Variants in LEPR observed in about 807,000 individuals in gnomAD.
LEPR encodes the protein leptin receptor.
A neutral mutation model predicts 114.7 loss-of-function variants in LEPR; 56 were observed. The observed-to-expected ratio is 0.49, with a 90% CI of 0.39 to 0.61. LEPR has a LOEUF of 0.61. Among genes scored for constraint, LEPR ranks in the 20% least tolerant of loss-of-function variants. The probability of loss-of-function intolerance (pLI) is 0.00; values close to 1 mark genes in which losing one functional copy is unlikely to be tolerated. For missense variants in LEPR, 1,202 were observed against 1,352.9 expected, an observed-to-expected ratio of 0.89 and a Z score of 1.75; for synonymous variants, 443 against 461.4, an observed-to-expected ratio of 0.96 and a Z score of 0.51.
intron 2 of LEPR, among the ~76,000 whole-genome samples, chr1:65,454,694 T>G (rs566746744): frequency 6.1e-4 from 93 of 152,328 alleles, no homozygotes; most frequent in African/African-American, 2.2e-3. Flanking sequence ...AACCCAACCT[T>G]TCTCTCTGGC....
intron 19 of LEPR, chr1:65,626,368 A>G (rs1281443282): frequency 8.3e-7 from 1 of 1,203,354 alleles, no homozygotes; most frequent in East Asian, 3.1e-5. Flanking sequence ...TATTTGTAGG[A>G]CTGATTTTTT....
chr1:65,587,442 T>C (rs1655383594), intron 5 of LEPR, among the ~76,000 whole-genome samples: 1 of 152,112 alleles, frequency 6.6e-6, no homozygotes, highest in Non-Finnish European at 1.5e-5. Context: ...CAATATTTTA[T>C]GGGTGGATAG....
chr1:65,496,745 A>C (rs1648180350), intron 2 of LEPR, among the ~76,000 whole-genome samples: 1 of 152,112 alleles, frequency 6.6e-6, no homozygotes, highest in Non-Finnish European at 1.5e-5. Flanking sequence ...CTGCTTAAAT[A>C]CTTCCAGTGA....
chr1:65,479,944 A>G (rs544667058), intron 2 of LEPR, among the ~76,000 whole-genome samples: 19 of 151,794 alleles, frequency 1.3e-4, no homozygotes, highest in Non-Finnish European at 2.5e-4. Flanking sequence ...AAACAAACAA[A>G]AAAACAACTC....
At chr1:65,539,818 A>C (rs920018628) in intron 2 of LEPR, among the ~76,000 whole-genome samples, 2 of 152,176 alleles carry the variant, frequency 1.3e-5, no homozygotes, top group Admixed American at 1.3e-4. Context: ...CCCGGAGCTC[A>C]GAGGTAGTAG....
rs1328136958 is a variant in LEPR at position 65,639,199 on chromosome 1, G to A, written c.*2184G>A. ...TCCCAGGACCACTGTAGTGCTGTAG[G>A]TCTGTGTAAAGAAATGTAGTGACAG... On this transcript the variant is annotated 3_prime_UTR_variant, in exon 20 of 20. Coordinates refer to ENST00000349533, the MANE Select transcript of LEPR (RefSeq NM_002303.6). The A allele has an allele frequency of 1.3e-5, 2 of 152,196 alleles. No homozygotes were observed. Among genetic ancestry groups the A allele is most frequent in the African/African-American group, 4.8e-5 (2 of 41,448 alleles). 9.4% of individuals were successfully genotyped at this position (152,196 alleles called of 1,614,324 possible).
chr1:65,629,378 T>C, intron 19 of LEPR: 1 of 443,674 alleles, frequency 2.3e-6, no homozygotes, highest in Non-Finnish European at 4.5e-6. Context: ...TGTGGTTTAT[T>C]TTTAAAAATA....
intron 2 of LEPR, among the ~76,000 whole-genome samples, chr1:65,436,231 G>A (rs1374227694): frequency 1.3e-5 from 2 of 152,166 alleles, no homozygotes. Context: ...TTCTGTGGCT[G>A]ACACTCCCCA....
intron 2 of LEPR, among the ~76,000 whole-genome samples, chr1:65,558,526 GTTTTT>G (rs1187502644): frequency 2.6e-4 from 2 of 7,748 alleles, no homozygotes; most frequent in Admixed American, 1.5e-3. Flanking sequence ...TGAATCAGAA[GTTTTT>G]TTTTTTGTTT....
chr1:65,454,615 C>A (rs1485487895), intron 2 of LEPR, among the ~76,000 whole-genome samples: 2 of 152,192 alleles, frequency 1.3e-5, no homozygotes, highest in African/African-American at 2.4e-5. Flanking sequence ...TTGGCCCCCA[C>A]TCTCTTCTGG....
chr1:65,426,289 A>G (rs989452712), intron 2 of LEPR, among the ~76,000 whole-genome samples: 2 of 152,204 alleles, frequency 1.3e-5, no homozygotes, highest in African/African-American at 4.8e-5. Flanking sequence ...ATTATGGTAC[A>G]GCATAAATTG....
At chr1:65,480,465 C>T (rs1252013178) in intron 2 of LEPR, among the ~76,000 whole-genome samples, 1 of 152,086 alleles carries the variant, frequency 6.6e-6, no homozygotes, top group East Asian at 1.9e-4. Context: ...ACAAAACACT[C>T]CCTATCTCTG....
intron 2 of LEPR, among the ~76,000 whole-genome samples, chr1:65,539,106 T>A (rs1650992118): frequency 9.3e-6 from 1 of 108,020 alleles, no homozygotes; most frequent in East Asian, 2.0e-4. Context: ...ATTATGCATT[T>A]TTTTTAAAAC....
chr1:65,606,868 G>A (rs374033720), intron 11 of LEPR, among the ~76,000 whole-genome samples: 1 of 152,104 alleles, frequency 6.6e-6, no homozygotes, highest in Non-Finnish European at 1.5e-5. Flanking sequence ...GACGGAAAAA[G>A]TTTAGGTATT....
chr1:65,599,237 A>G (rs1048896298), intron 8 of LEPR, among the ~76,000 whole-genome samples: 7 of 152,128 alleles, frequency 4.6e-5, no homozygotes, highest in Admixed American at 2.0e-4. Context: ...CAATGTTCAT[A>G]TTTTAAAGGT....
At chr1:65,577,112 A>G (rs994055889) in intron 5 of LEPR, 4 of 176,960 alleles carry the variant, frequency 2.3e-5, no homozygotes, top group Non-Finnish European at 4.8e-5. Flanking sequence ...TGTTGGCACT[A>G]ATGATATCAA....
intron 2 of LEPR, among the ~76,000 whole-genome samples, chr1:65,520,677 T>TCA (rs35134611): frequency 0.38 from 57,243 of 151,970 alleles, 13,193 homozygotes; most frequent in African/African-American, 0.64. Flanking sequence ...ATCAGGGGTC[T>TCA]CAGCCTTCAG....
chr1:65,437,599 C>T (rs900182176), intron 2 of LEPR, among the ~76,000 whole-genome samples: 7 of 151,688 alleles, frequency 4.6e-5, no homozygotes, highest in African/African-American at 1.7e-4. Context: ...GAGCCGAGAT[C>T]GCGCCACTGC....
At chr1:65,485,178 T>C (rs1299006999) in intron 2 of LEPR, among the ~76,000 whole-genome samples, 1 of 152,158 alleles carries the variant, frequency 6.6e-6, no homozygotes, top group Non-Finnish European at 1.5e-5. Flanking sequence ...AGTCTCAATC[T>C]TTTCATCCAT....
Sources: gnomAD v4.1 joint callset for allele counts (sites outside exome capture counted in the v4.1 genomes callset) on GRCh38, gnomAD v4.1.1 for gene constraint, MANE v1.5 for transcripts, NCBI Gene and HGNC (gene_info 2026-07-23, HGNC 2026-07-21) for gene names.